The following TMEM135 variants were observed in gnomAD, a reference collection of about 807,000 sequenced individuals.
The protein encoded by TMEM135 is transmembrane protein 135.
A neutral mutation model predicts 60.3 loss-of-function variants in TMEM135; 30 were observed. The ratio of observed to expected loss-of-function variants is 0.50; its 90% CI spans 0.37 to 0.68. The LOEUF (loss-of-function observed/expected upper bound fraction) is 0.68. TMEM135 is among the 30% of genes least tolerant of loss of function. The probability of loss-of-function intolerance (pLI) is 0.00; values close to 1 mark genes in which losing one functional copy is unlikely to be tolerated. For synonymous variants in TMEM135, 190 were observed against 186.7 expected (o/e 1.02, Z -0.14); for missense variants, 468 against 548.8 (o/e 0.85, Z 1.47).
In TMEM135 at chr11:87,287,095, G is replaced by A. The variant is rs12360904; in HGVS notation, c.510-8687G>A. On this transcript the variant is annotated intron_variant, in intron 6 of 14. Transcript: ENST00000305494. Reference sequence around the variant, plus strand: ...TTTTCACATATTTAATTGTGCTTTAGCATGTATGTAACACTTTACTCCAAT... The same window carrying A: ...TTTTCACATATTTAATTGTGCTTTAACATGTATGTAACACTTTACTCCAAT... 4.6e-3 allele frequency among the ~76,000 whole-genome samples: 697 copies of A among 152,064 alleles called. 2 individuals carry two copies. Among genetic ancestry groups the A allele is most frequent in the Middle Eastern group, 0.031 (9 of 294 alleles).
chr11:87,122,608 T>G (rs1451342321), intron 4 of TMEM135, among the ~76,000 whole-genome samples: 1 of 151,862 alleles, frequency 6.6e-6, no homozygotes, highest in African/African-American at 2.4e-5. Context: ...TTATAGGTGC[T>G]TGCCACCATG....
chr11:87,242,106 G>GT (rs1941149693), intron 6 of TMEM135, among the ~76,000 whole-genome samples: 2 of 151,074 alleles, frequency 1.3e-5, no homozygotes, highest in South Asian at 2.1e-4. Context: ...GCGGTGTTTG[G>GT]TTTTTTGTCC....
intron 5 of TMEM135, among the ~76,000 whole-genome samples, chr11:87,176,179 T>C (rs979328791): frequency 1.3e-5 from 2 of 152,114 alleles, no homozygotes; most frequent in Admixed American, 6.6e-5. Context: ...TCCTTATCAA[T>C]GACTTGGTGC....
chr11:87,091,021 A>G (rs1490997118), intron 3 of TMEM135, among the ~76,000 whole-genome samples: 1 of 152,082 alleles, frequency 6.6e-6, no homozygotes, highest in African/African-American at 2.4e-5. Flanking sequence ...TCTTTATTAC[A>G]AAATTTAGAT....
chr11:87,289,415 C>G (rs1942225171), intron 6 of TMEM135, among the ~76,000 whole-genome samples: 1 of 142,174 alleles, frequency 7.0e-6, no homozygotes, highest in African/African-American at 2.6e-5. Context: ...GATTTTGTAT[C>G]CTTTAACAAA....
At chr11:87,044,348 T>C (rs774442896) in intron 1 of TMEM135, among the ~76,000 whole-genome samples, 3 of 152,114 alleles carry the variant, frequency 2.0e-5, no homozygotes, top group East Asian at 1.9e-4. Flanking sequence ...TTCTAGAGGC[T>C]ACAAGACCAG....
At chr11:87,259,696 C>G (rs1418590668) in intron 6 of TMEM135, among the ~76,000 whole-genome samples, 1 of 152,202 alleles carries the variant, frequency 6.6e-6, no homozygotes, top group Non-Finnish European at 1.5e-5. Flanking sequence ...TATTTTCCCA[C>G]CATTATCAAT....
At chr11:87,290,672 AC>A (rs1942247473) in intron 6 of TMEM135, among the ~76,000 whole-genome samples, 1 of 152,202 alleles carries the variant, frequency 6.6e-6, no homozygotes, top group Non-Finnish European at 1.5e-5. Flanking sequence ...ACTTTCCTGT[AC>A]ATAGTATGCG....
intron 5 of TMEM135, among the ~76,000 whole-genome samples, chr11:87,184,435 TA>T (rs1939600239): frequency 2.0e-5 from 3 of 152,266 alleles, no homozygotes; most frequent in African/African-American, 7.2e-5. Context: ...GGCCTTTGGG[TA>T]AAAAATTCAT....
At chr11:87,189,985 G>A (rs936971878) in intron 5 of TMEM135, among the ~76,000 whole-genome samples, 9 of 151,948 alleles carry the variant, frequency 5.9e-5, no homozygotes, top group African/African-American at 1.7e-4. Context: ...ATTTGGAAAG[G>A]CCAAAGACAG....
chr11:87,190,319 C>T (rs555618340), intron 5 of TMEM135, among the ~76,000 whole-genome samples: 1 of 152,008 alleles, frequency 6.6e-6, no homozygotes, highest in Non-Finnish European at 1.5e-5. Context: ...AAACAGAAAA[C>T]CATCTGGTTA....
chr11:87,322,179 A>G lies in TMEM135; in HGVS notation c.*846A>G. The G allele has an allele frequency of 2.2e-6, 1 of 454,478 alleles. No individual in the cohort carries two copies. The highest frequency in any genetic ancestry group is 1.6e-5 in the South Asian group (1 of 64,474). 28.2% of individuals were successfully genotyped at this position (454,478 alleles called of 1,614,324 possible). On this transcript the variant is annotated 3_prime_UTR_variant, in exon 15 of 15. Coordinates refer to ENST00000305494, the MANE Select transcript of TMEM135 (RefSeq NM_022918.4). ...GATGTTTGTTTTCATTTATATGGAC[A>G]TAATCCTTCATAGCTCAGTTTATAT...
intron 5 of TMEM135, among the ~76,000 whole-genome samples, chr11:87,209,231 G>C (rs1252888638): frequency 6.6e-6 from 1 of 152,038 alleles, no homozygotes; most frequent in East Asian, 1.9e-4. Flanking sequence ...TGGGCTGAAT[G>C]CCCCACTAAA....
At chr11:87,246,645 G>A (rs369081848) in intron 6 of TMEM135, among the ~76,000 whole-genome samples, 5 of 149,436 alleles carry the variant, frequency 3.3e-5, no homozygotes, top group Non-Finnish European at 5.9e-5. Flanking sequence ...TGATTGTGTC[G>A]GCTCCTGAGG....
chr11:87,197,454 T>A (rs1390013932), intron 5 of TMEM135, among the ~76,000 whole-genome samples: 1 of 152,118 alleles, frequency 6.6e-6, no homozygotes, highest in Non-Finnish European at 1.5e-5. Flanking sequence ...TATTTGTATA[T>A]CAGAATCTAG....
intron 4 of TMEM135, among the ~76,000 whole-genome samples, chr11:87,128,580 A>G (rs1488054396): frequency 6.6e-6 from 1 of 152,190 alleles, no homozygotes; most frequent in Non-Finnish European, 1.5e-5. Flanking sequence ...ATGTTTAGAT[A>G]CCTTCAGGAT....
At chr11:87,288,215 T>G (rs1046510402) in intron 6 of TMEM135, among the ~76,000 whole-genome samples, 6 of 152,220 alleles carry the variant, frequency 3.9e-5, no homozygotes, top group Non-Finnish European at 8.8e-5. Context: ...CAATGCTAAA[T>G]ATAGCAATAA....
intron 4 of TMEM135, among the ~76,000 whole-genome samples, chr11:87,100,777 G>A (rs1330421417): frequency 1.3e-5 from 2 of 151,974 alleles, no homozygotes; most frequent in Admixed American, 1.3e-4. Flanking sequence ...CAGGAGAATC[G>A]CTTGAACCCA....
At chr11:87,057,933 T>G (rs1404716671) in intron 1 of TMEM135, among the ~76,000 whole-genome samples, 4 of 151,936 alleles carry the variant, frequency 2.6e-5, no homozygotes. Context: ...CCAGTGTGAG[T>G]CCAAAGGCCT....
Sources: allele counts gnomAD v4.1 joint callset (sites outside exome capture counted in the v4.1 genomes callset), GRCh38; gene constraint gnomAD v4.1.1; transcripts MANE v1.5; gene names NCBI Gene and HGNC (gene_info 2026-07-23, HGNC 2026-07-21).